The following DOCK3 variants were observed in gnomAD, a reference collection of about 807,000 sequenced individuals.
DOCK3 encodes the protein dedicator of cytokinesis 3.
A neutral mutation model predicts 265.6 loss-of-function variants in DOCK3; 60 were observed. That is an observed-to-expected ratio of 0.23 (90% confidence interval 0.18 to 0.28). DOCK3 has a LOEUF of 0.28. Ranked by LOEUF, DOCK3 falls within the 10% of genes least tolerant of loss-of-function variation. DOCK3 has a pLI of 1.00. For missense variants in DOCK3, 1,981 were observed against 2,594.3 expected, an observed-to-expected ratio of 0.76 and a Z score of 5.14; for synonymous variants, 881 against 938.0, an observed-to-expected ratio of 0.94 and a Z score of 1.11.
intron 13 of DOCK3, among the ~76,000 whole-genome samples, chr3:51,209,077 C>A (rs1188819355): frequency 6.6e-6 from 1 of 152,138 alleles, no homozygotes; most frequent in Admixed American, 6.6e-5. Flanking sequence ...ATGATGAGTT[C>A]CATATGTGTT....
chr3:50,746,332 C>G (rs967332369), intron 1 of DOCK3, among the ~76,000 whole-genome samples: 1 of 152,060 alleles, frequency 6.6e-6, no homozygotes. Flanking sequence ...GTCTCGAACT[C>G]CTGACCTCAG....
chr3:50,705,962 C>G lies in DOCK3; in HGVS notation c.37+30662C>G, dbSNP rs568254741. 7.2e-5 allele frequency among the ~76,000 whole-genome samples: 11 copies of G among 151,922 alleles called. No homozygotes were observed. The East Asian group carries it at 1.9e-3, about 27-fold the overall frequency. On this transcript the variant is annotated intron_variant, in intron 1 of 52. Coordinates refer to ENST00000266037, the MANE Select transcript of DOCK3 (RefSeq NM_004947.5). Reference sequence around the variant, plus strand: ...ATGAGACTTGCTTGAACCTGGGAGGCAGAGGTTGCAGTAAGCCAAGATCGT... The same window carrying G: ...ATGAGACTTGCTTGAACCTGGGAGGGAGAGGTTGCAGTAAGCCAAGATCGT...
At chr3:51,050,105 T>C (rs1203890448) in intron 5 of DOCK3, among the ~76,000 whole-genome samples, 2 of 152,116 alleles carry the variant, frequency 1.3e-5, no homozygotes, top group Non-Finnish European at 2.9e-5. Flanking sequence ...AAAAATTAGC[T>C]GGGCGTGGTA....
chr3:51,255,062 G>T (rs2079473476), intron 22 of DOCK3, among the ~76,000 whole-genome samples: 1 of 152,166 alleles, frequency 6.6e-6, no homozygotes. Context: ...GGCAGGCCTG[G>T]TGGTGACAAA....
chr3:51,024,157 T>C (rs575479635), intron 5 of DOCK3, among the ~76,000 whole-genome samples: 1 of 152,300 alleles, frequency 6.6e-6, no homozygotes, highest in Admixed American at 6.5e-5. Flanking sequence ...TCCTTTGTTA[T>C]AGAAAGTCTT....
chr3:51,208,240 A>G (rs1453869336), intron 12 of DOCK3, among the ~76,000 whole-genome samples: 1 of 152,194 alleles, frequency 6.6e-6, no homozygotes, highest in Non-Finnish European at 1.5e-5. Flanking sequence ...AATCAAGCCC[A>G]CTGCTCTCAC....
At chr3:51,106,473 G>A (rs1385847008) in intron 9 of DOCK3, among the ~76,000 whole-genome samples, 1 of 152,192 alleles carries the variant, frequency 6.6e-6, no homozygotes, top group African/African-American at 2.4e-5. Flanking sequence ...GCATGTGTGT[G>A]TGTGCGTGCA....
At chr3:50,980,317 A>G (rs756915894) in intron 5 of DOCK3, among the ~76,000 whole-genome samples, 15 of 152,224 alleles carry the variant, frequency 9.9e-5, no homozygotes, top group South Asian at 2.1e-4. Flanking sequence ...CTATTTGACT[A>G]TGGCTTATTA....
chr3:51,138,892 A>G (rs2084924491), intron 9 of DOCK3, among the ~76,000 whole-genome samples: 1 of 152,230 alleles, frequency 6.6e-6, no homozygotes, highest in Admixed American at 6.5e-5. Context: ...GGATTGTTAT[A>G]TGCATGGTAT....
intron 6 of DOCK3, among the ~76,000 whole-genome samples, chr3:51,068,860 G>A (rs186401864): frequency 3.3e-5 from 5 of 152,288 alleles, no homozygotes; most frequent in African/African-American, 1.2e-4. Context: ...GTATATCTGA[G>A]TAATATTCAG....
chr3:51,355,150 G>A (rs1576915496), intron 41 of DOCK3, 127 bp downstream of exon 41: 1 of 1,316,562 alleles, frequency 7.6e-7, no homozygotes, highest in Non-Finnish European at 1.0e-6. Flanking sequence ...CTAAACCTGA[G>A]TGTGTCCTCA....
At chr3:51,322,356 C>G (rs2083789962) in intron 32 of DOCK3, among the ~76,000 whole-genome samples, 2 of 152,094 alleles carry the variant, frequency 1.3e-5, no homozygotes, top group Admixed American at 6.5e-5. Flanking sequence ...GTGCCTGCCA[C>G]TATGCCCGGC....
chr3:51,038,365 A>G (rs1159482097), intron 5 of DOCK3, among the ~76,000 whole-genome samples: 1 of 152,210 alleles, frequency 6.6e-6, no homozygotes, highest in Non-Finnish European at 1.5e-5. Flanking sequence ...TGTAGTAGAA[A>G]CCAACTGTTC....
intron 5 of DOCK3, among the ~76,000 whole-genome samples, chr3:51,050,900 T>C (rs2109114435): frequency 6.6e-6 from 1 of 152,338 alleles, no homozygotes; most frequent in African/African-American, 2.4e-5. Flanking sequence ...CATTATATGA[T>C]TATAGATAAC....
At chr3:51,179,965 T>G (rs2107714634) in intron 12 of DOCK3, among the ~76,000 whole-genome samples, 1 of 151,942 alleles carries the variant, frequency 6.6e-6, no homozygotes, top group South Asian at 2.1e-4. Context: ...CCCAGCACTT[T>G]GGGAGGCCGA....
At chr3:50,983,382 C>A (rs1265664788) in intron 5 of DOCK3, among the ~76,000 whole-genome samples, 1 of 152,108 alleles carries the variant, frequency 6.6e-6, no homozygotes, top group Admixed American at 6.5e-5. Flanking sequence ...ACTTGTGGTA[C>A]CTTTTCTGGG....
At chr3:51,296,936 T>C (rs1047669141) in intron 27 of DOCK3, among the ~76,000 whole-genome samples, 1 of 151,574 alleles carries the variant, frequency 6.6e-6, no homozygotes, top group South Asian at 2.1e-4. Flanking sequence ...CTGGCCAACA[T>C]GGGGAAACCC....
intron 2 of DOCK3, among the ~76,000 whole-genome samples, chr3:50,831,357 T>C (rs1306894631): frequency 6.6e-6 from 1 of 152,140 alleles, no homozygotes; most frequent in Non-Finnish European, 1.5e-5. Context: ...TAGGTATTTT[T>C]CCTAATGCTA....
At chr3:50,953,166 G>A (rs1016912576) in intron 5 of DOCK3, among the ~76,000 whole-genome samples, 1 of 151,922 alleles carries the variant, frequency 6.6e-6, no homozygotes, top group Non-Finnish European at 1.5e-5. Context: ...AAATTAAGCA[G>A]AATCAAGCAG....
Sources: allele counts gnomAD v4.1 joint callset (sites outside exome capture counted in the v4.1 genomes callset), GRCh38; gene constraint gnomAD v4.1.1; transcripts MANE v1.5; gene names NCBI Gene and HGNC (gene_info 2026-07-23, HGNC 2026-07-21).